The following C1orf141 variants were observed in gnomAD, a reference collection of about 807,000 sequenced individuals.
C1orf141 encodes chromosome 1 open reading frame 141, also known as uncharacterized protein C1orf141.
In C1orf141, 19 loss-of-function variants were observed where a neutral mutation model predicts 23.2. The ratio of observed to expected loss-of-function variants is 0.82; its 90% CI spans 0.57 to 1.20. The LOEUF (loss-of-function observed/expected upper bound fraction) is 1.20. C1orf141 is among the 50% of genes most tolerant of loss of function. The probability of loss-of-function intolerance (pLI) is 0.00; values close to 1 mark genes in which losing one functional copy is unlikely to be tolerated. For missense variants in C1orf141, 469 were observed against 455.1 expected, an observed-to-expected ratio of 1.03 and a Z score of -0.28; for synonymous variants, 153 against 154.6, an observed-to-expected ratio of 0.99 and a Z score of 0.08.
intron 4 of C1orf141, among the ~76,000 whole-genome samples, chr1:67,116,136 T>G (rs1420425010): frequency 6.6e-6 from 1 of 152,144 alleles, no homozygotes. Context: ...CCCACATGAC[T>G]CCTGCACTTA....
chr1:67,103,991 C>T (rs550279644), intron 5 of C1orf141, among the ~76,000 whole-genome samples: 3 of 152,004 alleles, frequency 2.0e-5, no homozygotes, highest in African/African-American at 7.2e-5. Flanking sequence ...TGTTTAGAAC[C>T]CATATGTTTT....
At chr1:67,127,118 G>A in intron 3 of C1orf141, 48 bp downstream of exon 3, 1 of 1,242,300 alleles carries the variant, frequency 8.0e-7, no homozygotes, top group South Asian at 1.4e-5. Flanking sequence ...CATTTGAAAT[G>A]TTAACCTGTT....
intron 5 of C1orf141, chr1:67,103,418 A>T: frequency 1.6e-6 from 2 of 1,279,476 alleles, no homozygotes; most frequent in Non-Finnish European, 2.0e-6. Flanking sequence ...TATCTTAGAA[A>T]CTATTTCTTT....
At chr1:67,122,986 G>A (rs1012141770) in intron 4 of C1orf141, 6 of 152,020 alleles carry the variant, frequency 3.9e-5, no homozygotes, top group South Asian at 2.1e-4. Context: ...TGGATCACCC[G>A]AGGTCAGGAG....
chr1:67,113,502 A>C, intron 5 of C1orf141: 1 of 209,754 alleles, frequency 4.8e-6, no homozygotes. Flanking sequence ...AGTAGCTGGG[A>C]TGACAGGTGT....
At chr1:67,141,633 T>C (rs1189732662) in intron 1 of C1orf141, among the ~76,000 whole-genome samples, 1 of 152,016 alleles carries the variant, frequency 6.6e-6, no homozygotes, top group Non-Finnish European at 1.5e-5. Context: ...GTGATGCATA[T>C]CTGCAGTCCA....
intron 2 of C1orf141, among the ~76,000 whole-genome samples, chr1:67,127,913 G>C (rs1202039095): frequency 6.6e-6 from 1 of 152,060 alleles, no homozygotes; most frequent in Non-Finnish European, 1.5e-5. Context: ...GGGATTACAG[G>C]TATGAGCCAC....
intron 3 of C1orf141, among the ~76,000 whole-genome samples, chr1:67,126,758 TCAAAC>T (rs1249552181): frequency 1.3e-5 from 2 of 152,150 alleles, no homozygotes; most frequent in South Asian, 4.1e-4. Flanking sequence ...TTGGGGGAAC[TCAAAC>T]CAAATCTTGC....
chr1:67,134,908 C>G (rs959630346), intron 1 of C1orf141, 22 bp downstream of exon 1: 15 of 152,408 alleles, frequency 9.8e-5, no homozygotes, highest in Non-Finnish European at 4.4e-5. Flanking sequence ...CTCTTCCAAC[C>G]CTTCCGCACC....
chr1:67,096,314 A>G lies in C1orf141; in HGVS notation c.354T>C (p.Ile118=). 6.6e-7 allele frequency: 1 copy of G among 1,513,442 alleles called. No homozygotes were observed. The highest frequency in any genetic ancestry group is 9.0e-7 in the Non-Finnish European group (1 of 1,110,580). 93.8% of individuals were successfully genotyped at this position (1,513,442 alleles called of 1,614,324 possible). ...KNKESESTAQ[I]EKKPRKPLDS... ...CCAATGGTTTCCTAGGTTTTTTTTCAATTTGAGCTGAAATTTTAAAAGATT... is the reference window on the plus strand; with the variant it reads ...CCAATGGTTTCCTAGGTTTTTTTTCGATTTGAGCTGAAATTTTAAAAGATT... The change falls in exon 6 of 8, where the codon ATT becomes ATC. Residue 118 remains isoleucine, a synonymous_variant. Coordinates refer to ENST00000684719, the MANE Select transcript of C1orf141 (RefSeq NM_001276351.2).
At chr1:67,109,068 C>CT (rs1046200685) in intron 5 of C1orf141, among the ~76,000 whole-genome samples, 1 of 152,056 alleles carries the variant, frequency 6.6e-6, no homozygotes. Flanking sequence ...TGGCTCATGC[C>CT]TGTAATCCCA....
rs1205722387 is a variant in C1orf141 at position 67,093,266 on chromosome 1, G to C, written c.942C>G (p.Leu314=). The C allele has an allele frequency of 1.2e-6, 2 of 1,613,778 alleles. No individual in the cohort carries two copies. The highest frequency in any genetic ancestry group is 1.7e-6 in the Non-Finnish European group (2 of 1,179,772). The change falls in exon 8 of 8, where the codon CTC becomes CTG. Residue 314 remains leucine, a synonymous_variant. Transcript: ENST00000684719. ...QTLENRSWNT[L]YNFSQNFSSL... ...TAGAAAAATTCTGTGAGAAATTATA[G>C]AGTGTATTCCAAGATCTGTTTTCTA...
At chr1:67,120,736 G>A (rs1033882409) in intron 4 of C1orf141, among the ~76,000 whole-genome samples, 3 of 152,102 alleles carry the variant, frequency 2.0e-5, no homozygotes, top group Non-Finnish European at 2.9e-5. Flanking sequence ...CTAGCCTTTA[G>A]AACTATGACA....
In C1orf141 at chr1:67,093,455, A is replaced by C. The variant is rs748245664; in HGVS notation, c.753T>G (p.Cys251Trp). 3.1e-6 allele frequency: 5 copies of C among 1,610,920 alleles called. No homozygotes were observed. The highest frequency in any genetic ancestry group is 4.2e-6 in the Non-Finnish European group (5 of 1,177,790). ...KRTNFILERN[C>W]EILKSIIGNQ... ...TGCCAATTATAGATTTGAGGATTTC[A>C]CAATTTCTTTCTAAAATGAAATTTG... Residue 251 changes from cysteine (C) to tryptophan (W), a missense_variant, in exon 8 of 8, where the codon TGT becomes TGG. This residue lies in a region of C1orf141 where 370 missense variants were observed against 348.1 expected (regional missense o/e 1.06). Coordinates refer to ENST00000684719, the MANE Select transcript of C1orf141 (RefSeq NM_001276351.2).
chr1:67,103,311 A>G, intron 5 of C1orf141: 1 of 1,496,114 alleles, frequency 6.7e-7, no homozygotes, highest in East Asian at 2.5e-5. Flanking sequence ...AAAAGTCTGT[A>G]GAACCCAGTG....
chr1:67,100,625 C>G (rs184710565), intron 5 of C1orf141, among the ~76,000 whole-genome samples: 1 of 152,262 alleles, frequency 6.6e-6, no homozygotes, highest in Admixed American at 6.5e-5. Context: ...ATTATGACCT[C>G]TCTTTGCTAA....
chr1:67,130,658 G>A (rs927372786), intron 2 of C1orf141, among the ~76,000 whole-genome samples: 1 of 152,038 alleles, frequency 6.6e-6, no homozygotes, highest in Non-Finnish European at 1.5e-5. Context: ...ATTTGGCTAT[G>A]AATGATTTCT....
At chr1:67,096,489 A>G (rs1229145778) in intron 5 of C1orf141, among the ~76,000 whole-genome samples, 168 bp from the exon 6 acceptor site, 1 of 152,226 alleles carries the variant, frequency 6.6e-6, no homozygotes, top group Non-Finnish European at 1.5e-5. Context: ...ACTAGATAGA[A>G]CTGGAAAAGA....
At chr1:67,125,948 G>C (rs1237984075) in intron 3 of C1orf141, 39 bp from the exon 4 acceptor site, 1 of 1,376,882 alleles carries the variant, frequency 7.3e-7, no homozygotes, top group East Asian at 2.6e-5. Context: ...AAAAAAAAAA[G>C]AGTACTTTTT....
Sources: allele counts gnomAD v4.1 joint callset (sites outside exome capture counted in the v4.1 genomes callset), GRCh38; gene constraint gnomAD v4.1.1; regional missense constraint gnomAD v4.1.1; transcripts MANE v1.5; gene names NCBI Gene and HGNC (gene_info 2026-07-23, HGNC 2026-07-21).